Variants in THSD7B observed in about 807,000 individuals in gnomAD.
THSD7B encodes thrombospondin type-1 domain-containing protein 7B.
THSD7B carries 138 observed loss-of-function variants against 213.6 expected under a neutral mutation model. The observed-to-expected ratio is 0.65, with a 90% CI of 0.56 to 0.74. The LOEUF (loss-of-function observed/expected upper bound fraction) is 0.74. THSD7B is among the 30% of genes least tolerant of loss of function. The pLI is 0.00. For synonymous variants in THSD7B, 742 were observed against 687.0 expected (o/e 1.08, Z -1.25); for missense variants, 1,931 against 1,991.5 (o/e 0.97, Z 0.58).
At chr2:137,389,193 C>CATATAT (rs59969102) in intron 12 of THSD7B, among the ~76,000 whole-genome samples, 39,762 of 126,718 alleles carry the variant, frequency 0.31, 6,962 homozygotes, top group South Asian at 0.42. Context: ...ATATATCTGT[C>CATATAT]ATATATATAT....
chr2:137,113,413 G>A (rs1043868568), intron 4 of THSD7B, among the ~76,000 whole-genome samples: 2 of 151,946 alleles, frequency 1.3e-5, no homozygotes, highest in South Asian at 2.1e-4. Flanking sequence ...ATTGTTTTGT[G>A]GGGTTTTTGT....
At chr2:137,484,288 G>A (rs1279735530) in intron 15 of THSD7B, among the ~76,000 whole-genome samples, 1 of 149,402 alleles carries the variant, frequency 6.7e-6, no homozygotes, top group African/African-American at 2.5e-5. Flanking sequence ...TTTTGTTCTT[G>A]CGATAGTTTA....
At chr2:137,215,825 C>T (rs575183794) in intron 7 of THSD7B, among the ~76,000 whole-genome samples, 29 of 152,258 alleles carry the variant, frequency 1.9e-4, no homozygotes, top group Non-Finnish European at 3.4e-4. Context: ...ATACTGAAAG[C>T]AATTCATCAG....
At chr2:137,302,025 G>A (rs1683617131) in intron 12 of THSD7B, among the ~76,000 whole-genome samples, 1 of 152,100 alleles carries the variant, frequency 6.6e-6, no homozygotes, top group African/African-American at 2.4e-5. Context: ...GAATGATGAT[G>A]TGACTTGGAC....
At chr2:136,789,841 T>C in intron 1 of THSD7B, among the ~76,000 whole-genome samples, 1 of 152,232 alleles carries the variant, frequency 6.6e-6, no homozygotes, top group East Asian at 1.9e-4. Flanking sequence ...TACCACAAAC[T>C]CTTTGTGGAG....
intron 2 of THSD7B, among the ~76,000 whole-genome samples, chr2:136,974,971 T>C (rs1194077172): frequency 6.6e-6 from 1 of 152,180 alleles, no homozygotes; most frequent in Non-Finnish European, 1.5e-5. Context: ...TTTTTTCATA[T>C]GTTTTTTGGC....
intron 1 of THSD7B, among the ~76,000 whole-genome samples, chr2:136,811,992 G>T (rs2104930807): frequency 6.6e-6 from 1 of 152,270 alleles, no homozygotes; most frequent in South Asian, 2.1e-4. Context: ...ATGCTTTGCA[G>T]TCAAGAGTTT....
At position 137,110,809 on chromosome 2, in the gene THSD7B, T is replaced by C. The variant is rs190215283; in HGVS notation, c.1200-4315T>C. Among the ~76,000 whole-genome samples, 480 of 152,308 alleles carry C rather than the reference T, an allele frequency of 3.2e-3. 3 individuals are homozygous for C. Among genetic ancestry groups the C allele is most frequent in the African/African-American group, 0.011 (457 of 41,550 alleles). On this transcript the variant is annotated intron_variant, in intron 4 of 27. Transcript: ENST00000409968. Reference sequence around the variant, plus strand: ...GGGCCATGGACTGCATATACGATGGTCCCATAAGATTGTAATACTTTATTT... The same window carrying C: ...GGGCCATGGACTGCATATACGATGGCCCCATAAGATTGTAATACTTTATTT...
intron 2 of THSD7B, among the ~76,000 whole-genome samples, chr2:136,928,588 A>T (rs751097215): frequency 1.3e-5 from 2 of 152,222 alleles, no homozygotes; most frequent in Non-Finnish European, 2.9e-5. Flanking sequence ...TTGGTATAAA[A>T]GGCAATAATT....
intron 4 of THSD7B, among the ~76,000 whole-genome samples, chr2:137,107,286 A>G (rs1688272277): frequency 6.6e-6 from 1 of 152,148 alleles, no homozygotes; most frequent in Admixed American, 6.5e-5. Context: ...CTAACACAGG[A>G]ACAGAAAACC....
intron 12 of THSD7B, among the ~76,000 whole-genome samples, chr2:137,285,534 C>T (rs1481313402): frequency 1.3e-5 from 2 of 150,334 alleles, no homozygotes; most frequent in African/African-American, 2.4e-5. Flanking sequence ...TGCAGTGTAG[C>T]TGGTACCAGT....
intron 15 of THSD7B, among the ~76,000 whole-genome samples, chr2:137,474,261 A>G (rs1688150953): frequency 6.6e-6 from 1 of 152,174 alleles, no homozygotes; most frequent in Non-Finnish European, 1.5e-5. Context: ...TTTATGTGCC[A>G]TTAATCAGCT....
At chr2:137,494,430 G>A (rs2105126735) in intron 15 of THSD7B, among the ~76,000 whole-genome samples, 1 of 151,970 alleles carries the variant, frequency 6.6e-6, no homozygotes, top group South Asian at 2.1e-4. Flanking sequence ...TGAGAGTCAA[G>A]GACAGAAAAA....
At chr2:136,918,657 TTG>T (rs1684384102) in intron 2 of THSD7B, among the ~76,000 whole-genome samples, 1 of 152,138 alleles carries the variant, frequency 6.6e-6, no homozygotes, top group African/African-American at 2.4e-5. Flanking sequence ...ACCCAGAACT[TTG>T]TTATTCTTCT....
intron 13 of THSD7B, among the ~76,000 whole-genome samples, chr2:137,409,026 G>C (rs565418354): frequency 6.6e-6 from 1 of 152,346 alleles, no homozygotes; most frequent in South Asian, 2.1e-4. Context: ...TAGCGGCAGA[G>C]TGGTACAATG....
At chr2:137,079,276 A>G (rs2104902484) in intron 3 of THSD7B, among the ~76,000 whole-genome samples, 1 of 152,230 alleles carries the variant, frequency 6.6e-6, no homozygotes, top group Admixed American at 6.5e-5. Flanking sequence ...GTTTTTTTAT[A>G]ATCTTTACTA....
At chr2:137,612,359 T>C (rs142557038) in intron 17 of THSD7B, among the ~76,000 whole-genome samples, 1 of 152,148 alleles carries the variant, frequency 6.6e-6, no homozygotes, top group African/African-American at 2.4e-5. Context: ...GTCTTCAAGC[T>C]TGACTTCCAA....
chr2:137,262,175 G>A (rs1335075194), intron 10 of THSD7B, among the ~76,000 whole-genome samples: 1 of 152,108 alleles, frequency 6.6e-6, no homozygotes, highest in Non-Finnish European at 1.5e-5. Context: ...TTATAGAGTA[G>A]GGCAACATGA....
chr2:137,373,393 A>G (rs80215979), intron 12 of THSD7B, among the ~76,000 whole-genome samples: 42,787 of 152,098 alleles, frequency 0.28, 6,215 homozygotes, highest in South Asian at 0.31. Flanking sequence ...TGCTCTTCTA[A>G]CTGGTGTGAG....
Sources: allele counts gnomAD v4.1 joint callset (sites outside exome capture counted in the v4.1 genomes callset), GRCh38; gene constraint gnomAD v4.1.1; transcripts MANE v1.5; gene names NCBI Gene and HGNC (gene_info 2026-07-23, HGNC 2026-07-21).